FAM180A: variants seen among roughly 807,000 people sequenced by gnomAD.
FAM180A encodes family with sequence similarity 180 member A.
In FAM180A, 14 loss-of-function variants were observed where a neutral mutation model predicts 15.3. That is an observed-to-expected ratio of 0.92 (90% CI 0.61 to 1.43). The LOEUF (loss-of-function observed/expected upper bound fraction) is 1.43. Ranked by LOEUF, FAM180A falls within the 40% of genes most tolerant of loss-of-function variation. FAM180A has a pLI of 0.00. For missense variants in FAM180A, 200 were observed against 220.8 expected (o/e 0.91, Z 0.60); for synonymous variants, 90 against 96.8 (o/e 0.93, Z 0.41).
At chr7:135,742,986 T>C (rs1796973629) in intron 1 of FAM180A, among the ~76,000 whole-genome samples, 1 of 152,210 alleles carries the variant, frequency 6.6e-6, no homozygotes, top group Non-Finnish European at 1.5e-5. Context: ...TGTAGGTACC[T>C]CTGCCCAGAG....
At chr7:135,732,530 T>TA (rs34973752) in intron 3 of FAM180A, among the ~76,000 whole-genome samples, 1 of 152,136 alleles carries the variant, frequency 6.6e-6, no homozygotes, top group African/African-American at 2.4e-5. Context: ...CTGTCTCTAC[T>TA]AAAAATACAA....
In FAM180A at chr7:135,733,933, T is replaced by C. The variant is rs747975845; in HGVS notation, c.*42A>G. The C allele has an allele frequency of 3.1e-5, 48 of 1,525,040 alleles. 2 individuals carry two copies. The South Asian group carries it at 5.8e-4, about 18-fold the overall frequency. 94.5% of individuals were successfully genotyped at this position (1,525,040 alleles called of 1,614,324 possible). ...AGAGAATGAAGACTTTCTGGATTACTGTGCTGGTCCCTGCTCTGAGGTCCT... is the reference window on the plus strand; with the variant it reads ...AGAGAATGAAGACTTTCTGGATTACCGTGCTGGTCCCTGCTCTGAGGTCCT... On this transcript the variant is annotated 3_prime_UTR_variant, in exon 3 of 4. Coordinates refer to ENST00000338588, the MANE Select transcript of FAM180A (RefSeq NM_205855.4).
Position 135,737,038 on chromosome 7 carries a change from A to T in FAM180A, c.177+61T>A, listed in dbSNP as rs547983317. 1.4e-4 allele frequency: 193 copies of T among 1,362,468 alleles called. No homozygotes were observed. In the African/African-American group the frequency reaches 2.5e-3, roughly 18 times the overall value. The allele number at this position is 1,362,468 out of a possible 1,614,324, so 84.4% of individuals were successfully genotyped here. ...GGGGTCACTTCTCCTTTTCCAAAAAAGATAGAGAAAGTGCAGAGTCTTTTG... is the reference window on the plus strand; with the variant it reads ...GGGGTCACTTCTCCTTTTCCAAAAATGATAGAGAAAGTGCAGAGTCTTTTG... On this transcript the variant is annotated intron_variant, in intron 2 of 3. Transcript: ENST00000338588.
chr7:135,734,729 A>C lies in FAM180A; in HGVS notation c.178-410T>G, dbSNP rs144748480. Among the ~76,000 whole-genome samples the C allele has an allele frequency of 2.8e-3, 423 of 152,314 alleles. 1 individual carries two copies. The highest frequency in any genetic ancestry group is 9.7e-3 in the African/African-American group (404 of 41,574). On this transcript the variant is annotated intron_variant, in intron 2 of 3. Transcript: ENST00000338588. ...AAGCATCAACTATTTCGATAATTTT[A>C]AGGCAGAAGCTGGGAGACTCTTTCT... is the stretch of plus-strand genomic sequence containing the variant.
In FAM180A at chr7:135,729,882, G is replaced by T; in HGVS notation, c.*729C>A. On this transcript the variant is annotated 3_prime_UTR_variant, in exon 4 of 4. Transcript: ENST00000338588. ...AGGGGAAAAGAGGAGTTGTTCGGTG[G>T]GTATAGAACTTCAGAATTACAAGAT... The T allele has an allele frequency of 1.5e-6, 1 of 687,834 alleles. No homozygotes were observed. Among genetic ancestry groups the T allele is most frequent in the African/African-American group, 1.9e-5 (1 of 51,288 alleles). 42.6% of individuals were successfully genotyped at this position (687,834 alleles called of 1,614,324 possible).
intron 1 of FAM180A, among the ~76,000 whole-genome samples, chr7:135,744,699 G>T (rs1054295964): frequency 6.6e-6 from 1 of 152,184 alleles, no homozygotes; most frequent in African/African-American, 2.4e-5. Flanking sequence ...GAATGAGGAC[G>T]GGGCACTCTG....
At chr7:135,743,399 G>C (rs1179718019) in intron 1 of FAM180A, among the ~76,000 whole-genome samples, 1 of 151,772 alleles carries the variant, frequency 6.6e-6, no homozygotes, top group Non-Finnish European at 1.5e-5. Flanking sequence ...TTTTTAACTG[G>C]AGATGGGGTT....
chr7:135,744,639 C>T (rs990614619), intron 1 of FAM180A, among the ~76,000 whole-genome samples: 8 of 151,966 alleles, frequency 5.3e-5, no homozygotes, highest in Non-Finnish European at 8.8e-5. Flanking sequence ...TTGGGGCTGC[C>T]GGGAGCAGGT....
rs74563285 is a variant in FAM180A at position 135,736,726 on chromosome 7, C to G, written c.177+373G>C. Among the ~76,000 whole-genome samples, 1,439 of 152,316 alleles carry G rather than the reference C, an allele frequency of 9.4e-3. 31 individuals are homozygous for G. Among genetic ancestry groups the G allele is most frequent in the South Asian group, 0.07 (336 of 4,826 alleles). On this transcript the variant is annotated intron_variant, in intron 2 of 3. Transcript: ENST00000338588. ...CTTAGCATGCAGGGCCTTGGAGACA[C>G]GGCTGCACCCAGACAATGGCTTGGC...
intron 1 of FAM180A, among the ~76,000 whole-genome samples, chr7:135,745,528 T>G (rs1797020440): frequency 6.6e-6 from 1 of 151,898 alleles, no homozygotes; most frequent in African/African-American, 2.4e-5. Context: ...TAGATGTGGC[T>G]TTCCTGGCTT....
At chr7:135,740,949 T>TAA (rs1007003025) in intron 1 of FAM180A, among the ~76,000 whole-genome samples, 1 of 55,566 alleles carries the variant, frequency 1.8e-5, no homozygotes, top group Admixed American at 2.7e-4. Context: ...ATTATTCCCT[T>TAA]AAAAAAAAAC....
At chr7:135,748,208 G>A (rs1249940541) in intron 1 of FAM180A, among the ~76,000 whole-genome samples, 1 of 152,166 alleles carries the variant, frequency 6.6e-6, no homozygotes. Flanking sequence ...GGGGGCAGTC[G>A]AAGAAATGAG....
intron 3 of FAM180A, among the ~76,000 whole-genome samples, chr7:135,730,571 A>G (rs932965633): frequency 6.6e-6 from 1 of 152,198 alleles, no homozygotes. Flanking sequence ...AAGTTTTTAG[A>G]TCCTAAAATT....
chr7:135,729,786 A>G lies in FAM180A; in HGVS notation c.*825T>C, dbSNP rs1007335422. On this transcript the variant is annotated 3_prime_UTR_variant, in exon 4 of 4. Transcript: ENST00000338588. ...AAGCCAGATCCCGCTTGTATGAGGTATCTTAAGTAGTCAGACTCTCAAAAA... is the reference window on the plus strand; with the variant it reads ...AAGCCAGATCCCGCTTGTATGAGGTGTCTTAAGTAGTCAGACTCTCAAAAA... 4 of 976,850 alleles carry G rather than the reference A, an allele frequency of 4.1e-6. No individual in the cohort carries two copies. The African/African-American group carries it at 7.2e-5, about 18-fold the overall frequency. The allele number at this position is 976,850 out of a possible 1,614,324, so 60.5% of individuals were successfully genotyped here.
chr7:135,729,999 T>A lies in FAM180A; in HGVS notation c.*612A>T. ...AATGGTTAAGATGGTACATTTTACC[T>A]GATGTGTTTTTTACCACAATAAAAA... On this transcript the variant is annotated 3_prime_UTR_variant, in exon 4 of 4. Transcript: ENST00000338588. The A allele has an allele frequency of 4.1e-6, 4 of 969,692 alleles. No individual in the cohort carries two copies. The highest frequency in any genetic ancestry group is 4.9e-6 in the Non-Finnish European group (4 of 815,648). The allele number at this position is 969,692 out of a possible 1,614,324, so 60.1% of individuals were successfully genotyped here. A position where few individuals can be genotyped will look rare whatever the true frequency, so the allele number is the denominator to read the frequency against.
chr7:135,743,181 T>C (rs1229971492), intron 1 of FAM180A, among the ~76,000 whole-genome samples: 2 of 148,118 alleles, frequency 1.4e-5, no homozygotes, highest in Admixed American at 6.7e-5. Context: ...TTAGGATCAC[T>C]CTCCTGCATC....
chr7:135,730,874 T>C (rs764228612), intron 3 of FAM180A, among the ~76,000 whole-genome samples: 1 of 152,244 alleles, frequency 6.6e-6, no homozygotes, highest in Non-Finnish European at 1.5e-5. Context: ...AACAATGATC[T>C]GCATTCAGAT....
chr7:135,747,919 A>G (rs1158584758), intron 1 of FAM180A, among the ~76,000 whole-genome samples: 1 of 152,204 alleles, frequency 6.6e-6, no homozygotes, highest in African/African-American at 2.4e-5. Context: ...GGAGGAAGTC[A>G]GTGATAAGAG....
At chr7:135,747,819 C>T (rs959974571) in intron 1 of FAM180A, among the ~76,000 whole-genome samples, 2 of 152,122 alleles carry the variant, frequency 1.3e-5, no homozygotes, top group African/African-American at 2.4e-5. Context: ...AACTCTGGCT[C>T]GAGGTGCTCC....
Sources: gnomAD v4.1 joint callset for allele counts (sites outside exome capture counted in the v4.1 genomes callset) on GRCh38, gnomAD v4.1.1 for gene constraint, MANE v1.5 for transcripts, NCBI Gene and HGNC (gene_info 2026-07-23, HGNC 2026-07-21) for gene names.